Variants in SCN11A observed in about 807,000 individuals in gnomAD.
SCN11A encodes the protein sodium voltage-gated channel alpha subunit 11, also known as sodium channel protein type 11 subunit alpha.
In SCN11A, 122 loss-of-function variants were observed where a neutral mutation model predicts 162.2. That is an observed-to-expected ratio of 0.75 (90% confidence interval 0.65 to 0.87). SCN11A has a LOEUF of 0.87. Among genes scored for constraint, SCN11A ranks in the 40% least tolerant of loss-of-function variants. The probability of loss-of-function intolerance (pLI) is 0.00; values close to 1 mark genes in which losing one functional copy is unlikely to be tolerated. For synonymous variants in SCN11A, 758 were observed against 751.5 expected (o/e 1.01, Z -0.14); for missense variants, 2,015 against 2,181.6 (o/e 0.92, Z 1.52).
chr3:38,979,158 C>T (rs1018261371), intron 2 of SCN11A, among the ~76,000 whole-genome samples: 4 of 152,146 alleles, frequency 2.6e-5, no homozygotes, highest in Non-Finnish European at 5.9e-5. Context: ...CATTGAATTT[C>T]CAGAATTTAG....
intron 2 of SCN11A, among the ~76,000 whole-genome samples, chr3:39,012,919 A>G (rs1328873250): frequency 2.6e-5 from 4 of 152,264 alleles, no homozygotes; most frequent in East Asian, 1.9e-4. Context: ...ATGCTTACGT[A>G]ATAAATGATT....
Position 38,998,696 on chromosome 3 carries a change from G to A in SCN11A, c.-280+33684C>T, listed in dbSNP as rs201649855. Among the ~76,000 whole-genome samples, 22 of 152,188 alleles carry A rather than the reference G, an allele frequency of 1.4e-4. No homozygotes were observed. The East Asian group carries it at 3.7e-3, about 25-fold the overall frequency. On this transcript the variant is annotated intron_variant, in intron 2 of 29. Transcript: ENST00000302328. ...TGATAGACTGGATTAAGAAAATGTG[G>A]CACATATACACCATGGAATACTATG...
chr3:38,953,229 G>C (rs376834856), intron 4 of SCN11A, among the ~76,000 whole-genome samples: 3 of 152,074 alleles, frequency 2.0e-5, no homozygotes, highest in Admixed American at 1.3e-4. Flanking sequence ...GACACATAGA[G>C]GGGGACAACA....
At chr3:39,027,171 T>G (rs1374606545) in intron 2 of SCN11A, among the ~76,000 whole-genome samples, 1 of 152,056 alleles carries the variant, frequency 6.6e-6, no homozygotes, top group Non-Finnish European at 1.5e-5. Flanking sequence ...GAAAGATGGG[T>G]AGAATGAGGG....
chr3:38,956,181 G>A (rs2125581385), intron 3 of SCN11A, among the ~76,000 whole-genome samples: 1 of 152,136 alleles, frequency 6.6e-6, no homozygotes, highest in Non-Finnish European at 1.5e-5. Context: ...GGAGGTGGAG[G>A]TTGCCATGAG....
At chr3:38,957,169 G>A (rs1244565477) in intron 3 of SCN11A, among the ~76,000 whole-genome samples, 1 of 151,958 alleles carries the variant, frequency 6.6e-6, no homozygotes, top group Non-Finnish European at 1.5e-5. Context: ...CCTGGGCATA[G>A]TAGTTCAAAG....
intron 2 of SCN11A, among the ~76,000 whole-genome samples, chr3:39,028,634 G>A (rs1392291023): frequency 6.6e-6 from 1 of 152,194 alleles, no homozygotes; most frequent in African/African-American, 2.4e-5. Context: ...ACTGAGAAGT[G>A]CAAGGGCATG....
In SCN11A at chr3:38,908,081, G is replaced by T; in HGVS notation, c.1341C>A (p.Ser447=). The T allele has an allele frequency of 6.2e-7, 1 of 1,612,452 alleles. No homozygotes were observed. The highest frequency in any genetic ancestry group is 8.5e-7 in the Non-Finnish European group (1 of 1,179,646). The change falls in exon 14 of 30, where the codon TCC becomes TCA. Residue 447 remains serine, a synonymous_variant. Coordinates refer to ENST00000302328, the MANE Select transcript of SCN11A (RefSeq NM_001349253.2). The part of the protein sequence containing the change: ...AMGIDRSSLT[S]LETSYFTPKK... The stretch of plus-strand genomic sequence containing the variant: ...TTGGGGTAAAATATGATGTTTCAAG[G>T]GAAGTAAGTGAACTTCTGTCAATTC...
intron 2 of SCN11A, among the ~76,000 whole-genome samples, chr3:38,990,003 T>A (rs1368154282): frequency 6.6e-6 from 1 of 152,206 alleles, no homozygotes; most frequent in African/African-American, 2.4e-5. Flanking sequence ...AATAAAAGCA[T>A]TGCCTCTTTT....
rs1268503412 is a variant in SCN11A at position 38,942,071 on chromosome 3, CAAAACAAATATTTAA to C, written c.488+3325_488+3339del. On this transcript the variant is annotated intron_variant, in intron 7 of 29. Coordinates refer to ENST00000302328, the MANE Select transcript of SCN11A (RefSeq NM_001349253.2). ...CTGAAGTAGCTATATTAATATTAGA[CAAAACAAATATTTAA>C]ATGAGTATTATTAGAGACAAAGAAG... 5.9e-5 allele frequency among the ~76,000 whole-genome samples: 9 copies of C among 151,998 alleles called. No homozygotes were observed. In the East Asian group the frequency reaches 1.7e-3, roughly 29 times the overall value.
chr3:38,967,908 T>C (rs1370072494), intron 2 of SCN11A, among the ~76,000 whole-genome samples: 1 of 152,256 alleles, frequency 6.6e-6, no homozygotes, highest in Non-Finnish European at 1.5e-5. Context: ...TCATTCCTTG[T>C]ACCTTTTCTA....
At chr3:38,970,888 C>T (rs1350465147) in intron 2 of SCN11A, among the ~76,000 whole-genome samples, 3 of 152,202 alleles carry the variant, frequency 2.0e-5, no homozygotes, top group Admixed American at 2.0e-4. Flanking sequence ...TTCAGCCCCT[C>T]TGAAAGCCCA....
chr3:39,009,423 TAC>T (rs1212805194), intron 2 of SCN11A, among the ~76,000 whole-genome samples: 1 of 151,394 alleles, frequency 6.6e-6, no homozygotes, highest in Non-Finnish European at 1.5e-5. Flanking sequence ...TCTATATATA[TAC>T]ATATATATAT....
intron 2 of SCN11A, among the ~76,000 whole-genome samples, chr3:39,016,401 G>A (rs935243809): frequency 6.6e-6 from 1 of 152,072 alleles, no homozygotes; most frequent in African/African-American, 2.4e-5. Flanking sequence ...TACAAACTAA[G>A]GCACTGAAAA....
intron 11 of SCN11A, among the ~76,000 whole-genome samples, chr3:38,912,957 T>C (rs906034769): frequency 6.6e-6 from 1 of 152,226 alleles, no homozygotes; most frequent in African/African-American, 2.4e-5. Flanking sequence ...TGTGTATCTT[T>C]ACAGTAGAAT....
At chr3:38,957,138 T>C (rs2066691905) in intron 3 of SCN11A, among the ~76,000 whole-genome samples, 1 of 151,992 alleles carries the variant, frequency 6.6e-6, no homozygotes. Context: ...GATTATTTTG[T>C]CAATTGAAAA....
intron 1 of SCN11A, among the ~76,000 whole-genome samples, chr3:39,042,400 T>C (rs1197243339): frequency 1.3e-5 from 2 of 152,112 alleles, no homozygotes; most frequent in Non-Finnish European, 2.9e-5. Flanking sequence ...AGAAAAACAT[T>C]GGGAAAACAC....
At chr3:39,043,117 T>C (rs2032095847) in intron 1 of SCN11A, among the ~76,000 whole-genome samples, 1 of 152,072 alleles carries the variant, frequency 6.6e-6, no homozygotes, top group Non-Finnish European at 1.5e-5. Flanking sequence ...TACAATGAGA[T>C]ATTATCTCAC....
intron 2 of SCN11A, among the ~76,000 whole-genome samples, chr3:39,025,473 G>A (rs911800154): frequency 2.6e-5 from 4 of 152,174 alleles, no homozygotes; most frequent in African/African-American, 4.8e-5. Context: ...CTAAACAAGC[G>A]GTGGATTATT....
Sources: gnomAD v4.1 joint callset for allele counts (sites outside exome capture counted in the v4.1 genomes callset) on GRCh38, gnomAD v4.1.1 for gene constraint, MANE v1.5 for transcripts, NCBI Gene and HGNC (gene_info 2026-07-23, HGNC 2026-07-21) for gene names.